Variants in FHIT observed in about 807,000 individuals in gnomAD.
FHIT encodes bis(5'-adenosyl)-triphosphatase.
In FHIT, 19 loss-of-function variants were observed where a neutral mutation model predicts 17.9. That is an observed-to-expected ratio of 1.06 (90% CI 0.74 to 1.56). FHIT has a LOEUF of 1.56. FHIT is among the 40% of genes most tolerant of loss of function. The pLI is 0.00. For missense variants in FHIT, 248 were observed against 189.2 expected (o/e 1.31, Z -1.82); for synonymous variants, 81 against 69.7 (o/e 1.16, Z -0.81).
intron 5 of FHIT, among the ~76,000 whole-genome samples, chr3:60,358,121 T>C (rs531582342): frequency 6.6e-6 from 1 of 152,318 alleles, no homozygotes; most frequent in East Asian, 1.9e-4. Flanking sequence ...GCAATGCACC[T>C]TATCATTCTT....
chr3:59,978,449 C>A (rs1057116761), intron 7 of FHIT, among the ~76,000 whole-genome samples: 1 of 151,802 alleles, frequency 6.6e-6, no homozygotes, highest in Non-Finnish European at 1.5e-5. Flanking sequence ...ATTAGTTATA[C>A]CCATGATGTA....
In FHIT at chr3:60,977,017, T is replaced by G. The variant is rs565399787; in HGVS notation, c.-111+65030A>C. Among the ~76,000 whole-genome samples, 3 of 152,300 alleles carry G rather than the reference T, an allele frequency of 2.0e-5. No individual in the cohort carries two copies. The South Asian group carries it at 6.2e-4, about 32-fold the overall frequency. On this transcript the variant is annotated intron_variant, in intron 3 of 9. Transcript: ENST00000492590. ...GGAAAGAAATCGGACTTGTTTTTCA[T>G]CATCAACATGACGGTCTGATGATGG... is the stretch of plus-strand genomic sequence containing the variant.
intron 5 of FHIT, among the ~76,000 whole-genome samples, chr3:60,379,080 A>G (rs1700697426): frequency 6.6e-6 from 1 of 152,234 alleles, no homozygotes; most frequent in Non-Finnish European, 1.5e-5. Flanking sequence ...ATCCCAGACC[A>G]GTGAAAATGA....
At chr3:60,826,913 C>G (rs2594135) in intron 3 of FHIT, among the ~76,000 whole-genome samples, 44,846 of 151,966 alleles carry the variant, frequency 0.3, 7,255 homozygotes, top group African/African-American at 0.41. Context: ...CAGCAGATTT[C>G]GCAATTTTGC....
intron 5 of FHIT, among the ~76,000 whole-genome samples, chr3:60,180,191 A>C (rs976192837): frequency 6.6e-6 from 1 of 152,178 alleles, no homozygotes; most frequent in South Asian, 2.1e-4. Context: ...GATAATGCTG[A>C]AGTGATTTTT....
intron 3 of FHIT, among the ~76,000 whole-genome samples, chr3:60,987,224 C>T (rs866568722): frequency 6.6e-6 from 1 of 152,068 alleles, no homozygotes; most frequent in Non-Finnish European, 1.5e-5. Flanking sequence ...GGGAGCAGGC[C>T]CCCCAAAATC....
Position 60,424,663 on chromosome 3 carries a change from T to G in FHIT, c.103+112197A>C, listed in dbSNP as rs1283508151. On this transcript the variant is annotated intron_variant, in intron 5 of 9. Coordinates refer to ENST00000492590, the MANE Select transcript of FHIT (RefSeq NM_002012.4). ...GATAAAATTAGCTGTCTTCTCTTTG[T>G]TGTTGATCAAATGTAGCTGAAGAGT... is the stretch of plus-strand genomic sequence containing the variant. 2.0e-5 allele frequency among the ~76,000 whole-genome samples: 3 copies of G among 152,164 alleles called. No individual in the cohort carries two copies. In the East Asian group the frequency reaches 5.8e-4, roughly 29 times the overall value.
chr3:60,144,709 TCCATCA>T (rs1446026479), intron 5 of FHIT, among the ~76,000 whole-genome samples: 1 of 152,174 alleles, frequency 6.6e-6, no homozygotes, highest in Non-Finnish European at 1.5e-5. Flanking sequence ...AGTTAGTATA[TCCATCA>T]CCTCATGCAC....
intron 4 of FHIT, among the ~76,000 whole-genome samples, chr3:60,546,607 A>C (rs558742897): frequency 2.0e-5 from 3 of 152,278 alleles, no homozygotes; most frequent in African/African-American, 7.2e-5. Context: ...CCCTTCTCAC[A>C]GGCAGCTGTG....
intron 4 of FHIT, among the ~76,000 whole-genome samples, chr3:60,611,358 T>C (rs913612333): frequency 1.3e-5 from 2 of 152,188 alleles, no homozygotes; most frequent in Non-Finnish European, 1.5e-5. Context: ...CAGAAATATA[T>C]GGCAGGACAT....
intron 3 of FHIT, among the ~76,000 whole-genome samples, chr3:61,017,281 C>G (rs2032168624): frequency 6.6e-6 from 1 of 152,166 alleles, no homozygotes. Context: ...AAGAGTGGAA[C>G]TTCGTCTCAA....
chr3:59,959,323 A>G (rs573788237), intron 7 of FHIT, among the ~76,000 whole-genome samples: 3 of 152,206 alleles, frequency 2.0e-5, no homozygotes, highest in Non-Finnish European at 4.4e-5. Context: ...TACTAAGAAG[A>G]GAGTGTTTCA....
At chr3:60,629,772 C>T (rs1303970636) in intron 4 of FHIT, among the ~76,000 whole-genome samples, 1 of 152,082 alleles carries the variant, frequency 6.6e-6, no homozygotes, top group Non-Finnish European at 1.5e-5. Context: ...AGGTAGACTG[C>T]CTCTATTAAG....
intron 8 of FHIT, among the ~76,000 whole-genome samples, chr3:59,862,620 T>A (rs1247444071): frequency 6.6e-6 from 1 of 152,214 alleles, no homozygotes; most frequent in Non-Finnish European, 1.5e-5. Context: ...AATATACTTT[T>A]CTTAGGCTGG....
chr3:60,077,729 C>CACACACATATAT lies in FHIT; in HGVS notation c.104-63578_104-63577insATATATGTGTGT, dbSNP rs1559611496. Among the ~76,000 whole-genome samples, 159 of 67,236 alleles carry CACACACATATAT rather than the reference C, an allele frequency of 2.4e-3. 1 individual carries two copies. Among genetic ancestry groups the CACACACATATAT allele is most frequent in the African/African-American group, 7.3e-3 (150 of 20,436 alleles). 44.1% of individuals were successfully genotyped at this position (67,236 alleles called of 152,430 possible). ...ACACACACACACACACACACACACA[C>CACACACATATAT]ATATATAGAGGGGGGGGGGAGGATA... is the stretch of plus-strand genomic sequence containing the variant. On this transcript the variant is annotated intron_variant, in intron 5 of 9. Coordinates refer to ENST00000492590, the MANE Select transcript of FHIT (RefSeq NM_002012.4).
At chr3:60,557,417 GAC>G (rs2036778862) in intron 4 of FHIT, among the ~76,000 whole-genome samples, 1 of 151,962 alleles carries the variant, frequency 6.6e-6, no homozygotes, top group African/African-American at 2.4e-5. Flanking sequence ...AAAAAAAATA[GAC>G]ATGATGTCAA....
chr3:59,986,518 T>C (rs368998710), intron 7 of FHIT, among the ~76,000 whole-genome samples: 1 of 49,872 alleles, frequency 2.0e-5, no homozygotes, highest in Non-Finnish European at 3.4e-5. Flanking sequence ...TATATATATA[T>C]ATATATATAT....
intron 5 of FHIT, among the ~76,000 whole-genome samples, chr3:60,352,983 C>T (rs545107870): frequency 1.3e-5 from 2 of 152,268 alleles, no homozygotes; most frequent in African/African-American, 2.4e-5. Context: ...TAAAGCAAAA[C>T]AGGTGGCTCA....
At chr3:60,466,350 A>G (rs1342572472) in intron 5 of FHIT, among the ~76,000 whole-genome samples, 1 of 151,934 alleles carries the variant, frequency 6.6e-6, no homozygotes, top group African/African-American at 2.4e-5. Context: ...TTGACATCCA[A>G]CTTGGATACC....
Sources: gnomAD v4.1 joint callset for allele counts (sites outside exome capture counted in the v4.1 genomes callset) on GRCh38, gnomAD v4.1.1 for gene constraint, MANE v1.5 for transcripts, NCBI Gene and HGNC (gene_info 2026-07-23, HGNC 2026-07-21) for gene names.